PRKN: variants seen among roughly 807,000 people sequenced by gnomAD.
PRKN encodes the protein parkin RBR E3 ubiquitin protein ligase, also known as E3 ubiquitin-protein ligase parkin.
PRKN carries 56 observed loss-of-function variants against 59.5 expected under a neutral mutation model. That is an observed-to-expected ratio of 0.94 (90% CI 0.76 to 1.18). PRKN has a LOEUF of 1.18. Ranked by LOEUF, PRKN falls within the 50% of genes most tolerant of loss-of-function variation. The pLI is 0.00. For missense variants in PRKN, 657 were observed against 596.4 expected, an observed-to-expected ratio of 1.10 and a Z score of -1.06; for synonymous variants, 250 against 222.1, an observed-to-expected ratio of 1.13 and a Z score of -1.12.
intron 4 of PRKN, among the ~76,000 whole-genome samples, chr6:162,134,786 G>C (rs1368929090): frequency 1.3e-5 from 2 of 152,216 alleles, no homozygotes; most frequent in African/African-American, 4.8e-5. Context: ...AAAAGAAAGA[G>C]TGGATGTCAG....
chr6:162,686,847 G>A lies in PRKN; in HGVS notation c.7+40815C>T, dbSNP rs568958178. On this transcript the variant is annotated intron_variant, in intron 1 of 11. Coordinates refer to ENST00000366898, the MANE Select transcript of PRKN (RefSeq NM_004562.3). Reference sequence around the variant, plus strand: ...CCGTAGATATATGGCTTTATTTCTGGGTTCTCTATTCTGTTTCATTGATCT... The same window carrying A: ...CCGTAGATATATGGCTTTATTTCTGAGTTCTCTATTCTGTTTCATTGATCT... 2.2e-4 allele frequency among the ~76,000 whole-genome samples: 33 copies of A among 152,066 alleles called. 1 individual carries two copies. Among genetic ancestry groups the A allele is most frequent in the African/African-American group, 8.0e-4 (33 of 41,490 alleles).
At chr6:162,400,457 C>CAAAAAAAAAAAA (rs3081908) in intron 2 of PRKN, among the ~76,000 whole-genome samples, 10 of 98,658 alleles carry the variant, frequency 1.0e-4, no homozygotes, top group African/African-American at 1.1e-4. Flanking sequence ...ATGTAAATAT[C>CAAAAAAAAAAAA]AAAAAAAAAA....
At chr6:161,636,337 C>G (rs1014632828) in intron 7 of PRKN, among the ~76,000 whole-genome samples, 1 of 152,234 alleles carries the variant, frequency 6.6e-6, no homozygotes, top group Non-Finnish European at 1.5e-5. Context: ...GGCCAGAGGG[C>G]AGGAGCAGCG....
At chr6:161,641,440 G>A (rs1233283979) in intron 7 of PRKN, among the ~76,000 whole-genome samples, 4 of 152,000 alleles carry the variant, frequency 2.6e-5, no homozygotes, top group Non-Finnish European at 5.9e-5. Flanking sequence ...GGGCAGCTTT[G>A]ATTTCATTTC....
chr6:161,730,849 T>C (rs1021845497), intron 7 of PRKN, among the ~76,000 whole-genome samples: 1 of 151,522 alleles, frequency 6.6e-6, no homozygotes, highest in African/African-American at 2.4e-5. Context: ...TTCTGGTGTG[T>C]TGCATTCTGA....
intron 4 of PRKN, among the ~76,000 whole-genome samples, chr6:162,055,899 G>A (rs1055509505): frequency 3.8e-4 from 58 of 151,860 alleles, no homozygotes; most frequent in South Asian, 8.3e-4. Flanking sequence ...GTCTGCAGGA[G>A]TGCTCCCTCC....
chr6:162,105,148 G>A (rs1780138546), intron 4 of PRKN, among the ~76,000 whole-genome samples: 1 of 152,128 alleles, frequency 6.6e-6, no homozygotes, highest in African/African-American at 2.4e-5. Flanking sequence ...CATATTTTAT[G>A]GCTCTAAACG....
intron 7 of PRKN, among the ~76,000 whole-genome samples, chr6:161,774,367 C>T (rs1177986581): frequency 1.3e-5 from 2 of 148,766 alleles, no homozygotes; most frequent in Admixed American, 6.8e-5. Flanking sequence ...CTCCCCCATC[C>T]TTTCTACTCC....
At chr6:162,133,881 T>C (rs926416181) in intron 4 of PRKN, among the ~76,000 whole-genome samples, 1 of 151,730 alleles carries the variant, frequency 6.6e-6, no homozygotes, top group Non-Finnish European at 1.5e-5. Flanking sequence ...CAGGCTAGAG[T>C]GGGAGGTGAG....
chr6:162,545,647 A>T (rs1779088916), intron 1 of PRKN, among the ~76,000 whole-genome samples: 1 of 152,212 alleles, frequency 6.6e-6, no homozygotes, highest in Non-Finnish European at 1.5e-5. Context: ...GTATTTTTAA[A>T]AAATTATATA....
At chr6:162,429,359 A>C (rs1203099889) in intron 2 of PRKN, among the ~76,000 whole-genome samples, 1 of 152,142 alleles carries the variant, frequency 6.6e-6, no homozygotes, top group Non-Finnish European at 1.5e-5. Context: ...TGTCTGTCTT[A>C]CCCATCACCG....
intron 4 of PRKN, among the ~76,000 whole-genome samples, chr6:162,144,569 G>A (rs1781933937): frequency 6.6e-6 from 1 of 152,148 alleles, no homozygotes; most frequent in Non-Finnish European, 1.5e-5. Flanking sequence ...TCTGCAGTAG[G>A]TGCACACGAA....
At position 161,575,316 on chromosome 6, in the gene PRKN, CG is replaced by C. The variant is rs1221254050; in HGVS notation, c.872-5901del. On this transcript the variant is annotated intron_variant, in intron 7 of 11. Transcript: ENST00000366898. The surrounding 1 kb of genome is among the most constrained non-coding windows in gnomAD (Gnocchi z 4.6). ...CCATAAAGGTCATTTTATCATCTAA[CG>C]GGGAAGCTCCTCAATGAAAACGCGT... Among the ~76,000 whole-genome samples the C allele has an allele frequency of 3.3e-5, 5 of 152,108 alleles. No individual in the cohort carries two copies. The highest frequency in any genetic ancestry group is 9.7e-5 in the African/African-American group (4 of 41,422).
Position 161,462,632 on chromosome 6 carries a change from A to G in PRKN, c.1084-75755T>C, listed in dbSNP as rs951256066. On this transcript the variant is annotated intron_variant, in intron 9 of 11. Coordinates refer to ENST00000366898, the MANE Select transcript of PRKN (RefSeq NM_004562.3). The surrounding 1 kb of genome is among the most constrained non-coding windows in gnomAD (Gnocchi z 4.5). ...CTTTGAATGTCTCCCCAGGGTGATC[A>G]TATTAAAAAAATCAAAATTTAATAT... is the stretch of plus-strand genomic sequence containing the variant. 2.0e-5 allele frequency among the ~76,000 whole-genome samples: 3 copies of G among 152,174 alleles called. No individual in the cohort carries two copies. The highest frequency in any genetic ancestry group is 7.2e-5 in the African/African-American group (3 of 41,440).
intron 6 of PRKN, among the ~76,000 whole-genome samples, chr6:161,787,535 T>A (rs1790469669): frequency 6.6e-6 from 1 of 152,250 alleles, no homozygotes; most frequent in African/African-American, 2.4e-5. Flanking sequence ...ATATTCTCCA[T>A]CTTGCTTTCA....
chr6:162,228,685 A>G (rs1778291729), intron 3 of PRKN, among the ~76,000 whole-genome samples: 1 of 152,148 alleles, frequency 6.6e-6, no homozygotes, highest in African/African-American at 2.4e-5. Flanking sequence ...CTTATTAAAA[A>G]TCTTCACTTT....
At chr6:161,760,163 A>C (rs1789132541) in intron 7 of PRKN, among the ~76,000 whole-genome samples, 1 of 127,322 alleles carries the variant, frequency 7.9e-6, no homozygotes, top group African/African-American at 2.8e-5. Context: ...CCTTTTCCTC[A>C]ATTTAATTAG....
chr6:162,211,156 G>A (rs769018699), intron 3 of PRKN, among the ~76,000 whole-genome samples: 4 of 152,156 alleles, frequency 2.6e-5, no homozygotes, highest in Non-Finnish European at 5.9e-5. Context: ...TACTGTAGGG[G>A]ACTGATTCCA....
intron 2 of PRKN, among the ~76,000 whole-genome samples, chr6:162,431,400 AG>A (rs1174104439): frequency 6.6e-6 from 1 of 152,124 alleles, no homozygotes; most frequent in Non-Finnish European, 1.5e-5. Context: ...TTTATTTTTC[AG>A]GAAGTATCTA....
Sources: gnomAD v4.1 joint callset for allele counts (sites outside exome capture counted in the v4.1 genomes callset) on GRCh38, gnomAD v4.1.1 for gene constraint, Gnocchi (gnomAD v3.1) non-coding constraint, MANE v1.5 for transcripts, NCBI Gene and HGNC (gene_info 2026-07-23, HGNC 2026-07-21) for gene names.